The following REEP3 variants were observed in gnomAD, a reference collection of about 807,000 sequenced individuals.
REEP3 encodes the protein receptor accessory protein 3, also known as receptor expression-enhancing protein 3.
Under a neutral mutation model 41.3 loss-of-function variants are expected in REEP3, and 20 were observed. The observed-to-expected ratio is 0.48, with a 90% confidence interval of 0.34 to 0.70. The LOEUF (loss-of-function observed/expected upper bound fraction) is 0.70. REEP3 is among the 30% of genes least tolerant of loss of function. REEP3 has a pLI of 0.01. For missense variants in REEP3, 271 were observed against 308.8 expected (o/e 0.88, Z 0.92); for synonymous variants, 104 against 101.8 (o/e 1.02, Z -0.13).
chr10:63,574,949 C>T (rs544319689), intron 2 of REEP3, among the ~76,000 whole-genome samples: 5 of 148,332 alleles, frequency 3.4e-5, no homozygotes, highest in South Asian at 2.1e-4. Context: ...CTCTGCCTCC[C>T]GGATTCAAGC....
At chr10:63,566,240 A>G (rs1955797469) in intron 1 of REEP3, 98 bp from the exon 2 acceptor site, 1 of 702,976 alleles carries the variant, frequency 1.4e-6, no homozygotes, top group Admixed American at 2.9e-5. Flanking sequence ...TTTAATTTAC[A>G]CACAAATTTA....
At chr10:63,557,060 A>G (rs953499678) in intron 1 of REEP3, among the ~76,000 whole-genome samples, 2 of 152,166 alleles carry the variant, frequency 1.3e-5, no homozygotes, top group Non-Finnish European at 2.9e-5. Flanking sequence ...TCCCAATAAA[A>G]ACATACTATA....
At chr10:63,567,300 C>T (rs1955808441) in intron 2 of REEP3, among the ~76,000 whole-genome samples, 1 of 152,018 alleles carries the variant, frequency 6.6e-6, no homozygotes, top group Non-Finnish European at 1.5e-5. Flanking sequence ...TATAATACAA[C>T]TCTTTCTAGT....
intron 2 of REEP3, among the ~76,000 whole-genome samples, chr10:63,572,253 T>C (rs905346384): frequency 2.6e-4 from 39 of 152,166 alleles, no homozygotes; most frequent in Non-Finnish European, 1.3e-4. Flanking sequence ...CATTATTTGC[T>C]TGCACCCAGT....
intron 1 of REEP3, among the ~76,000 whole-genome samples, chr10:63,543,371 C>T (rs1309079236): frequency 6.6e-6 from 1 of 152,026 alleles, no homozygotes; most frequent in Non-Finnish European, 1.5e-5. Flanking sequence ...TCATGACTCA[C>T]TACAGCCACC....
chr10:63,548,571 T>C (rs572358215), intron 1 of REEP3, among the ~76,000 whole-genome samples: 1 of 152,340 alleles, frequency 6.6e-6, no homozygotes, highest in East Asian at 1.9e-4. Flanking sequence ...TATTTATCTA[T>C]TCCCAGAAGT....
In REEP3 at chr10:63,624,701, A is replaced by G. The variant is rs1956383246; in HGVS notation, c.*3832A>G. The G allele has an allele frequency of 2.0e-5, 3 of 152,142 alleles. No homozygotes were observed. The highest frequency in any genetic ancestry group is 2.0e-4 in the Admixed American group (3 of 15,276). The allele number at this position is 152,142 out of a possible 1,614,324, so 9.4% of individuals were successfully genotyped here. On this transcript the variant is annotated 3_prime_UTR_variant, in exon 8 of 8. Transcript: ENST00000373758. ...ATTACAGATCACAGAGCAAATTATG[A>G]AAATCATAAACATTCTGGTATGGTC... is the stretch of plus-strand genomic sequence containing the variant.
chr10:63,619,712 C>G lies in REEP3; in HGVS notation c.623C>G (p.Pro208Arg). Residue 208 changes from proline to arginine, a missense_variant, in exon 7 of 8, where the codon CCA becomes CGA. Physicochemically the swap from Pro to Arg is moderately radical, Grantham distance 103. Transcript: ENST00000373758. ...DEKTDEEAEG[P>R]YSDNEMLTHK... ...AAAACAGATGAAGAAGCAGAGGGGC[C>G]ATATTCAGATAATGAGATGTTAACA... is the stretch of plus-strand genomic sequence containing the variant. 4 of 1,606,704 alleles carry G rather than the reference C, an allele frequency of 2.5e-6. No homozygotes were observed. Among genetic ancestry groups the G allele is most frequent in the Non-Finnish European group, 3.4e-6 (4 of 1,176,396 alleles).
intron 2 of REEP3, among the ~76,000 whole-genome samples, chr10:63,593,629 G>C (rs375276674): frequency 5.2e-4 from 79 of 152,264 alleles, no homozygotes; most frequent in African/African-American, 1.9e-3. Context: ...TTAATCGTAC[G>C]TGAAACTCCA....
At chr10:63,616,930 T>G (rs1004468151) in intron 6 of REEP3, among the ~76,000 whole-genome samples, 7 of 152,244 alleles carry the variant, frequency 4.6e-5, no homozygotes, top group African/African-American at 1.7e-4. Flanking sequence ...TAAAATCACC[T>G]GAAAGCTCAC....
chr10:63,535,018 G>T (rs80264007), intron 1 of REEP3, among the ~76,000 whole-genome samples: 5,612 of 152,122 alleles, frequency 0.037, 334 homozygotes, highest in East Asian at 0.29. Flanking sequence ...TTATCTCTGG[G>T]TTTTTCTTTT....
intron 7 of REEP3, 114 bp downstream of exon 7, chr10:63,619,914 TTTGA>T: frequency 1.3e-6 from 1 of 767,790 alleles, no homozygotes. Flanking sequence ...AGAACAGCAG[TTTGA>T]TTTTTTTTTT....
chr10:63,550,517 C>A (rs1266996354), intron 1 of REEP3, among the ~76,000 whole-genome samples: 17 of 152,068 alleles, frequency 1.1e-4, no homozygotes. Context: ...TTAGAAGTCT[C>A]TAAATTTCTG....
rs999853395 is a variant in REEP3 at position 63,581,864 on chromosome 10, C to A, written c.106-12914C>A. Among the ~76,000 whole-genome samples the A allele has an allele frequency of 4.1e-5, 6 of 147,346 alleles. No homozygotes were observed. The Admixed American group carries it at 4.1e-4, about 10-fold the overall frequency. On this transcript the variant is annotated intron_variant, in intron 2 of 7. Coordinates refer to ENST00000373758, the MANE Select transcript of REEP3 (RefSeq NM_001001330.3). ...TCTGAGAAGTATGCTAAAGGTTCAG[C>A]TCCTTTTTTTTTTTTTTAGCTTTTT...
intron 1 of REEP3, among the ~76,000 whole-genome samples, chr10:63,526,812 G>A (rs1208574593): frequency 6.6e-6 from 1 of 152,052 alleles, no homozygotes; most frequent in Admixed American, 6.5e-5. Flanking sequence ...TCATGCAAAT[G>A]TGTTTCTCAA....
chr10:63,539,740 A>G (rs1411770867), intron 1 of REEP3, among the ~76,000 whole-genome samples: 5 of 152,224 alleles, frequency 3.3e-5, no homozygotes, highest in African/African-American at 1.2e-4. Flanking sequence ...CTTACAAAGT[A>G]TTATACCATA....
At chr10:63,569,123 T>C (rs1471764776) in intron 2 of REEP3, among the ~76,000 whole-genome samples, 1 of 152,204 alleles carries the variant, frequency 6.6e-6, no homozygotes, top group African/African-American at 2.4e-5. Flanking sequence ...CCCTACTGTG[T>C]AATATTTTAA....
At chr10:63,593,127 A>G (rs1000028363) in intron 2 of REEP3, among the ~76,000 whole-genome samples, 9 of 152,348 alleles carry the variant, frequency 5.9e-5, no homozygotes, top group Admixed American at 2.0e-4. Context: ...GAAGTTATTC[A>G]TGGCTATTTT....
rs59658061 is a variant in REEP3 at position 63,589,785 on chromosome 10, C to CTTTTTTTTTTTTTTTTT, written c.106-4983_106-4967dup. 4.9e-5 allele frequency among the ~76,000 whole-genome samples: 4 copies of CTTTTTTTTTTTTTTTTT among 80,834 alleles called. 1 individual carries two copies. Among genetic ancestry groups the CTTTTTTTTTTTTTTTTT allele is most frequent in the African/African-American group, 1.9e-4 (4 of 21,276 alleles). 53.0% of individuals were successfully genotyped at this position (80,834 alleles called of 152,430 possible). On this transcript the variant is annotated intron_variant, in intron 2 of 7. Coordinates refer to ENST00000373758, the MANE Select transcript of REEP3 (RefSeq NM_001001330.3). ...TAATGTACTAAGAACAGCAGAACAT[C>CTTTTTTTTTTTTTTTTT]TTTTTTTTTTTTTTTTTTTTTTTTT...
Sources: allele counts gnomAD v4.1 joint callset (sites outside exome capture counted in the v4.1 genomes callset), GRCh38; gene constraint gnomAD v4.1.1; transcripts MANE v1.5; gene names NCBI Gene and HGNC (gene_info 2026-07-23, HGNC 2026-07-21).